Variants in GARNL3 observed in about 807,000 individuals in gnomAD.
The protein encoded by GARNL3 is GTPase-activating Rap/Ran-GAP domain-like protein 3.
In GARNL3, 63 loss-of-function variants were observed where a neutral mutation model predicts 125.0. The ratio of observed to expected loss-of-function variants is 0.50; its 90% CI spans 0.41 to 0.62. The LOEUF (loss-of-function observed/expected upper bound fraction) is 0.62. Ranked by LOEUF, GARNL3 falls within the 20% of genes least tolerant of loss-of-function variation. The probability of loss-of-function intolerance (pLI) is 0.00; values close to 1 mark genes in which losing one functional copy is unlikely to be tolerated. For synonymous variants in GARNL3, 439 were observed against 457.5 expected, an observed-to-expected ratio of 0.96 and a Z score of 0.52; for missense variants, 994 against 1,244.0, an observed-to-expected ratio of 0.80 and a Z score of 3.02.
At chr9:127,224,876 G>A (rs2062869931) in intron 1 of GARNL3, among the ~76,000 whole-genome samples, 1 of 135,978 alleles carries the variant, frequency 7.4e-6, no homozygotes, top group South Asian at 2.5e-4. Flanking sequence ...ACCCCGCGGG[G>A]CTGGCGCGGG....
At chr9:127,259,866 C>A (rs527743999), upstream of GARNL3, among the ~76,000 whole-genome samples, 101 of 151,854 alleles carry the variant, frequency 6.7e-4, no homozygotes, top group Admixed American at 2.8e-3. Flanking sequence ...GAGACCCCCC[C>A]GCCCATCTCT....
At position 127,393,320 on chromosome 9, in the gene GARNL3, G is replaced by A; in HGVS notation, c.*66G>A. ...AGGTTTATACTCTTTAAACAGTTCT[G>A]ATGTAATTTCTCAACAAAATGTGGC... is the stretch of plus-strand genomic sequence containing the variant. On this transcript the variant is annotated 3_prime_UTR_variant, in exon 28 of 28. Transcript: ENST00000373387. 2 of 1,437,230 alleles carry A rather than the reference G, an allele frequency of 1.4e-6. No individual in the cohort carries two copies. The highest frequency in any genetic ancestry group is 1.9e-6 in the Non-Finnish European group (2 of 1,045,748). The allele number at this position is 1,437,230 out of a possible 1,614,324, so 89.0% of individuals were successfully genotyped here.
intron 1 of GARNL3, among the ~76,000 whole-genome samples, chr9:127,235,951 T>A (rs1171957572): frequency 6.6e-6 from 1 of 152,250 alleles, no homozygotes; most frequent in African/African-American, 2.4e-5. Flanking sequence ...GCTCTTGTTT[T>A]ATAAAGATGT....
At position 127,336,158 on chromosome 9, in the gene GARNL3, A is replaced by G. The variant is rs1261505098; in HGVS notation, c.904A>G (p.Ile302Val). Residue 302 changes from isoleucine to valine, a missense_variant, in exon 11 of 28, where the codon ATC becomes GTC. This residue lies in a region of GARNL3 where 19 missense variants were observed against 46.4 expected (regional missense o/e 0.41). Coordinates refer to ENST00000373387, the MANE Select transcript of GARNL3 (RefSeq NM_032293.5). ...AAGGAAACGCCACATTGGAAACGAT[A>G]TCGTCACCATTGTGTTCCAAGAAGG... ...VERKRHIGND[I>V]VTIVFQEGEE... 1 of 1,614,072 alleles carries G rather than the reference A, an allele frequency of 6.2e-7. No homozygotes were observed.
chr9:127,231,342 G>A (rs2063016253), intron 1 of GARNL3, among the ~76,000 whole-genome samples: 1 of 151,108 alleles, frequency 6.6e-6, no homozygotes, highest in Admixed American at 6.6e-5. Context: ...AACGTGCTGG[G>A]ATTACAGGCG....
chr9:127,261,674 A>G (rs910996668), upstream of GARNL3, among the ~76,000 whole-genome samples: 6 of 151,946 alleles, frequency 3.9e-5, no homozygotes, highest in Admixed American at 6.6e-5. Flanking sequence ...CGGCCTCCCA[A>G]AGTGCTGGGA....
At chr9:127,311,383 C>T (rs1455310512) in intron 2 of GARNL3, among the ~76,000 whole-genome samples, 1 of 152,102 alleles carries the variant, frequency 6.6e-6, no homozygotes, top group Non-Finnish European at 1.5e-5. Flanking sequence ...AGGAGAGGTA[C>T]TTGGTACCCA....
At chr9:127,227,998 A>G (rs2062943354) in intron 1 of GARNL3, among the ~76,000 whole-genome samples, 1 of 152,194 alleles carries the variant, frequency 6.6e-6, no homozygotes, top group Non-Finnish European at 1.5e-5. Flanking sequence ...GGATAATTAA[A>G]TGTTTATTTA....
At chr9:127,368,352 A>T (rs1351992788) in intron 22 of GARNL3, among the ~76,000 whole-genome samples, 6 of 138,928 alleles carry the variant, frequency 4.3e-5, no homozygotes, top group Non-Finnish European at 7.7e-5. Flanking sequence ...TTTTTTCCAG[A>T]TAGAGTCTAG....
chr9:127,391,533 A>AAAAAAAAAAAAAAAAAAAAATATAT, intron 27 of GARNL3, among the ~76,000 whole-genome samples: 6 of 75,866 alleles, frequency 7.9e-5, no homozygotes, highest in Non-Finnish European at 1.6e-4. Flanking sequence ...ACAAAAAAAA[A>AAAAAAAAAAAAAAAAAAAAATATAT]ATATATATAT....
intron 2 of GARNL3, among the ~76,000 whole-genome samples, chr9:127,245,100 G>T (rs2063274081): frequency 6.6e-6 from 1 of 152,288 alleles, no homozygotes; most frequent in African/African-American, 2.4e-5. Flanking sequence ...CGGGGCGGGG[G>T]GTTGGAGGTA....
intron 1 of GARNL3, among the ~76,000 whole-genome samples, chr9:127,269,785 T>TGTTTTTTGTG (rs1554896110): frequency 1.2e-5 from 1 of 86,592 alleles, no homozygotes; most frequent in African/African-American, 3.2e-5. Flanking sequence ...TTGTTTTTTG[T>TGTTTTTTGTG]GTTTTTTTTT....
At chr9:127,260,577 T>A (rs1305214283), upstream of GARNL3, among the ~76,000 whole-genome samples, 1 of 152,206 alleles carries the variant, frequency 6.6e-6, no homozygotes. Context: ...GGTCAGTTCG[T>A]AAATAGTTTG....
intron 1 of GARNL3, among the ~76,000 whole-genome samples, chr9:127,288,577 A>G (rs1300972206): frequency 6.6e-6 from 1 of 152,172 alleles, no homozygotes; most frequent in African/African-American, 2.4e-5. Flanking sequence ...GTGATAGTCA[A>G]ACCCATTAGC....
chr9:127,283,851 C>T (rs570064841), intron 1 of GARNL3, among the ~76,000 whole-genome samples: 1 of 152,248 alleles, frequency 6.6e-6, no homozygotes, highest in South Asian at 2.1e-4. Context: ...CTCCTGGACA[C>T]GGTCTTCCTC....
chr9:127,297,214 A>G (rs907688220), intron 2 of GARNL3, among the ~76,000 whole-genome samples: 60 of 152,126 alleles, frequency 3.9e-4, no homozygotes, highest in African/African-American at 1.2e-3. Flanking sequence ...TGATGGCTCA[A>G]TGAAGCCTCG....
intron 2 of GARNL3, among the ~76,000 whole-genome samples, chr9:127,306,552 C>T (rs1324614055): frequency 6.6e-6 from 1 of 152,122 alleles, no homozygotes; most frequent in Non-Finnish European, 1.5e-5. Context: ...ACGGTGAAAC[C>T]CCGTCTCTAC....
chr9:127,263,852 A>G, upstream of GARNL3: 1 of 1,331,088 alleles, frequency 7.5e-7, no homozygotes, highest in Non-Finnish European at 9.6e-7. Flanking sequence ...CATTTCTCTC[A>G]TGCTGTCTTT....
rs1419969307 is a variant in GARNL3, at chr9:127,242,572, A to ATT, written c.-28-506_-28-505dup. On this transcript the variant is annotated intron_variant, in intron 1 of 10. Coordinates refer to the GARNL3 transcript ENST00000439286. The surrounding 1 kb of genome is among the most constrained non-coding windows in gnomAD (Gnocchi z 4.6). ...TTACTGCTTATATATACTATCTGCT[A>ATT]TTACTCTTGAACTGTGGGCTTTAGT... Among the ~76,000 whole-genome samples, 1 of 152,178 alleles carries ATT rather than the reference A, an allele frequency of 6.6e-6. No individual in the cohort carries two copies. The highest frequency in any genetic ancestry group is 1.5e-5 in the Non-Finnish European group (1 of 68,038).
Sources: allele counts gnomAD v4.1 joint callset (sites outside exome capture counted in the v4.1 genomes callset), GRCh38; gene constraint gnomAD v4.1.1; regional missense constraint gnomAD v4.1.1; non-coding constraint Gnocchi (gnomAD v3.1); transcripts MANE v1.5; gene names NCBI Gene and HGNC (gene_info 2026-07-23, HGNC 2026-07-21).